Variants in CAPN7 observed in about 807,000 individuals in gnomAD.
CAPN7 encodes calpain-7.
Under a neutral mutation model 115.2 loss-of-function variants are expected in CAPN7, and 72 were observed. The observed-to-expected ratio is 0.63, with a 90% confidence interval of 0.52 to 0.76. The LOEUF (loss-of-function observed/expected upper bound fraction) is 0.76, where lower values mean the gene tolerates loss of function less well. Ranked by LOEUF, CAPN7 falls within the 30% of genes least tolerant of loss-of-function variation. CAPN7 has a pLI of 0.00. For missense variants in CAPN7, 905 were observed against 971.5 expected, an observed-to-expected ratio of 0.93 and a Z score of 0.91; for synonymous variants, 344 against 322.3, an observed-to-expected ratio of 1.07 and a Z score of -0.72.
At position 15,252,862 on chromosome 3, in the gene CAPN7, A is replaced by AT. The variant is rs1696061107; in HGVS notation, c.*1603dup. 6.6e-6 allele frequency: 1 copy of AT among 151,780 alleles called. No individual in the cohort carries two copies. Among genetic ancestry groups the AT allele is most frequent in the African/African-American group, 2.4e-5 (1 of 41,018 alleles). 9.4% of individuals were successfully genotyped at this position (151,780 alleles called of 1,614,324 possible). On this transcript the variant is annotated 3_prime_UTR_variant, in exon 21 of 21. Coordinates refer to ENST00000253693, the MANE Select transcript of CAPN7 (RefSeq NM_014296.3). ...CCATTGAGTGTTTACTATGTACCCA[A>AT]TGTGTATATTTTTCTTTTTAATCTT...
At chr3:15,224,637 C>T (rs560644407) in intron 6 of CAPN7, among the ~76,000 whole-genome samples, 8 of 151,790 alleles carry the variant, frequency 5.3e-5, no homozygotes, top group Admixed American at 1.3e-4. Context: ...GAAATATACC[C>T]GAATATTTAC....
chr3:15,216,585 A>G (rs1424237934), intron 2 of CAPN7, among the ~76,000 whole-genome samples: 2 of 152,226 alleles, frequency 1.3e-5, no homozygotes, highest in Non-Finnish European at 2.9e-5. Flanking sequence ...TCAAAGAGCA[A>G]TGAAAATACA....
chr3:15,243,022 G>A (rs888442020), intron 16 of CAPN7, among the ~76,000 whole-genome samples: 7 of 152,192 alleles, frequency 4.6e-5, no homozygotes, highest in African/African-American at 1.7e-4. Flanking sequence ...AAAAAAAAGG[G>A]TTATGTGTGA....
chr3:15,207,464 A>G (rs1365358491), intron 1 of CAPN7, among the ~76,000 whole-genome samples: 3 of 152,176 alleles, frequency 2.0e-5, no homozygotes, highest in East Asian at 3.8e-4. Context: ...AGGCTACGCT[A>G]AATTTTTTTA....
intron 1 of CAPN7, among the ~76,000 whole-genome samples, chr3:15,208,768 G>T (rs1387722408): frequency 6.6e-6 from 1 of 152,062 alleles, no homozygotes; most frequent in East Asian, 1.9e-4. Flanking sequence ...TAAATCAAAG[G>T]GTATGAGCTT....
chr3:15,237,370 T>G (rs1469067543), intron 12 of CAPN7, among the ~76,000 whole-genome samples: 1 of 152,240 alleles, frequency 6.6e-6, no homozygotes, highest in Non-Finnish European at 1.5e-5. Context: ...ATTATAATCT[T>G]ATGGAACCAC....
At chr3:15,230,817 C>A (rs950189578) in intron 9 of CAPN7, among the ~76,000 whole-genome samples, 2 of 152,178 alleles carry the variant, frequency 1.3e-5, no homozygotes, top group African/African-American at 4.8e-5. Flanking sequence ...AAATTTTCAT[C>A]TGATAGTTCA....
intron 19 of CAPN7, among the ~76,000 whole-genome samples, chr3:15,248,675 A>G (rs1024017642): frequency 2.6e-5 from 4 of 152,192 alleles, no homozygotes; most frequent in Admixed American, 2.6e-4. Flanking sequence ...GTTATATTTC[A>G]TAGTTTTAAA....
Position 15,206,400 on chromosome 3 carries a change from C to T in CAPN7, c.-96C>T. On this transcript the variant is annotated 5_prime_UTR_variant, in exon 1 of 21. Coordinates refer to ENST00000253693, the MANE Select transcript of CAPN7 (RefSeq NM_014296.3). ...AAACTTTGCCGCTCCTTCCGCGGCG[C>T]TCCCGAGTCCTCGCCGCCGCCGGGC... 3 of 869,878 alleles carry T rather than the reference C, an allele frequency of 3.4e-6. No homozygotes were observed. Among genetic ancestry groups the T allele is most frequent in the South Asian group, 1.6e-5 (1 of 62,378 alleles). The allele number at this position is 869,878 out of a possible 1,614,324, so 53.9% of individuals were successfully genotyped here.
In CAPN7 at chr3:15,232,652, C is replaced by T; in HGVS notation, c.1166C>T (p.Pro389Leu). ...AAAGTCATGGGAGGATATGATTTTC[C>T]AGGATCCAACTCCGTAAGTAATAGA... Reference protein sequence around the residue: ...YMKVMGGYDFPGSNSNIDLHA... With the variant: ...YMKVMGGYDFLGSNSNIDLHA... The change falls in exon 10 of 21, where the codon CCA becomes CTA. Residue 389 changes from proline to leucine, a missense_variant. Coordinates refer to ENST00000253693, the MANE Select transcript of CAPN7 (RefSeq NM_014296.3). 1.9e-6 allele frequency: 3 copies of T among 1,607,156 alleles called. No homozygotes were observed. Among genetic ancestry groups the T allele is most frequent in the Non-Finnish European group, 2.5e-6 (3 of 1,177,332 alleles).
At position 15,206,558 on chromosome 3, in the gene CAPN7, C is replaced by G; in HGVS notation, c.63C>G (p.Asp21Glu). The change falls in exon 1 of 21, where the codon GAC (aspartate) becomes GAG (glutamate). Residue 21 changes from aspartate to glutamate, a missense_variant. By Grantham distance (45) the Asp-to-Glu change is conservative. Around this residue, in one of 3 missense-constraint regions of CAPN7, gnomAD observed 271 missense variants for 239.6 expected, o/e 1.13. Coordinates refer to ENST00000253693, the MANE Select transcript of CAPN7 (RefSeq NM_014296.3). ...VQFARLAVQR[D>E]HEGRYSEAVF... ...TCGCCCGTCTGGCGGTTCAGCGCGA[C>G]CACGAAGGCCGCTACTCCGAGGCGG... 1.3e-6 allele frequency: 2 copies of G among 1,554,800 alleles called. No individual in the cohort carries two copies. Among genetic ancestry groups the G allele is most frequent in the Non-Finnish European group, 1.7e-6 (2 of 1,149,482 alleles).
intron 10 of CAPN7, among the ~76,000 whole-genome samples, chr3:15,233,450 A>G (rs548086226): frequency 6.6e-6 from 1 of 152,290 alleles, no homozygotes; most frequent in African/African-American, 2.4e-5. Flanking sequence ...TATCCTTCAC[A>G]TACTTTTAGT....
In CAPN7 at chr3:15,251,013, G is replaced by T; in HGVS notation, c.2287G>T (p.Gly763Cys). ...GPHGFLRKSS[G>C]DYRCGFCYLE... ...CCATGGCTTTCTGAGGAAATCTAGT[G>T]GTGACTATAGGTAATGTTGGCATTT... Residue 763 changes from glycine to cysteine, a missense_variant, in exon 20 of 21, where the codon GGT becomes TGT. Physicochemically the swap from Gly to Cys is radical, Grantham distance 159. This residue lies in a region of CAPN7 where 620 missense variants were observed against 703.4 expected (regional missense o/e 0.88). Transcript: ENST00000253693. 6.2e-7 allele frequency: 1 copy of T among 1,611,502 alleles called. No individual in the cohort carries two copies. Among genetic ancestry groups the T allele is most frequent in the Non-Finnish European group, 8.5e-7 (1 of 1,178,108 alleles).
chr3:15,246,715 T>G lies in CAPN7; in HGVS notation c.2011-17T>G. 7 of 1,542,426 alleles carry G rather than the reference T, an allele frequency of 4.5e-6. No homozygotes were observed. Among genetic ancestry groups the G allele is most frequent in the Non-Finnish European group, 5.4e-6 (6 of 1,117,002 alleles). On this transcript the variant is annotated splice_polypyrimidine_tract_variant and intron_variant, in intron 17 of 20. Transcript: ENST00000253693. ...GTAAGTGTAAAATTTATCAATACAG[T>G]CTTTTTTTAAATCTAGGTATATTCA...
chr3:15,217,657 C>T, intron 3 of CAPN7, 75 bp downstream of exon 3: 2 of 1,203,622 alleles, frequency 1.7e-6, no homozygotes, highest in South Asian at 3.8e-5. Context: ...TTTTACATAA[C>T]ACCTTGAATA....
At chr3:15,225,861 T>G (rs78109148) in intron 6 of CAPN7, among the ~76,000 whole-genome samples, 2,399 of 152,280 alleles carry the variant, frequency 0.016, 29 homozygotes, top group Non-Finnish European at 0.028. Context: ...CGGTATTTTC[T>G]TATTTTTTAA....
chr3:15,222,857 T>C (rs139735202), intron 5 of CAPN7, among the ~76,000 whole-genome samples: 94 of 152,340 alleles, frequency 6.2e-4, no homozygotes, highest in African/African-American at 2.1e-3. Flanking sequence ...TTCCAGGCTA[T>C]TGTTACCTAA....
intron 2 of CAPN7, 138 bp from the exon 3 acceptor site, chr3:15,217,287 G>A (rs1209516458): frequency 1.4e-6 from 1 of 726,424 alleles, no homozygotes; most frequent in Non-Finnish European, 2.0e-6. Flanking sequence ...CCTTTTTTAA[G>A]GATTTTTTTA....
chr3:15,247,254 T>C, intron 18 of CAPN7, 73 bp from the exon 19 acceptor site: 1 of 1,026,426 alleles, frequency 9.7e-7, no homozygotes, highest in Non-Finnish European at 1.3e-6. Context: ...TTTTTTGAGA[T>C]GGAAAGGAGT....
Sources: allele counts gnomAD v4.1 joint callset (sites outside exome capture counted in the v4.1 genomes callset), GRCh38; gene constraint gnomAD v4.1.1; regional missense constraint gnomAD v4.1.1; transcripts MANE v1.5; gene names NCBI Gene and HGNC (gene_info 2026-07-23, HGNC 2026-07-21).